The following TBL1XR1 variants were observed in gnomAD, a reference collection of about 807,000 sequenced individuals.
The protein encoded by TBL1XR1 is TBL1X/Y related 1.
In TBL1XR1, 5 loss-of-function variants were observed where a neutral mutation model predicts 66.9. The ratio of observed to expected loss-of-function variants is 0.07; its 90% CI spans 0.04 to 0.16. The LOEUF is 0.16. Among genes scored for constraint, TBL1XR1 ranks in the 10% least tolerant of loss-of-function variants. The probability of loss-of-function intolerance (pLI) is 1.00; values close to 1 mark genes in which losing one functional copy is unlikely to be tolerated. For synonymous variants in TBL1XR1, 210 were observed against 206.0 expected, an observed-to-expected ratio of 1.02 and a Z score of -0.17; for missense variants, 238 against 623.2, an observed-to-expected ratio of 0.38 and a Z score of 6.58.
At chr3:177,101,958 A>C (rs1162728247) in intron 1 of TBL1XR1, among the ~76,000 whole-genome samples, 1 of 151,108 alleles carries the variant, frequency 6.6e-6, no homozygotes, top group African/African-American at 2.5e-5. Context: ...TAACCATTAG[A>C]ATTTTTTTTT....
chr3:177,201,124 C>T (rs1737331577), upstream of TBL1XR1, among the ~76,000 whole-genome samples: 1 of 151,800 alleles, frequency 6.6e-6, no homozygotes, highest in Admixed American at 6.6e-5. Flanking sequence ...CAAATCCTGA[C>T]TTGTTTTGCC....
At chr3:177,033,701 T>C (rs1223185455) in intron 13 of TBL1XR1, among the ~76,000 whole-genome samples, 1 of 152,074 alleles carries the variant, frequency 6.6e-6, no homozygotes, top group African/African-American at 2.4e-5. Flanking sequence ...AGCTAACAAG[T>C]GGATAAAGAA....
At chr3:177,042,858 G>C (rs1266164968) in intron 10 of TBL1XR1, among the ~76,000 whole-genome samples, 1 of 151,884 alleles carries the variant, frequency 6.6e-6, no homozygotes, top group African/African-American at 2.4e-5. Flanking sequence ...AATTTTAAAA[G>C]AGAAGGAATG....
intron 1 of TBL1XR1, 97 bp from the exon 2 acceptor site, chr3:177,098,638 A>C: frequency 3.4e-6 from 2 of 594,320 alleles, no homozygotes; most frequent in Non-Finnish European, 4.2e-6. Context: ...AATATTCTTT[A>C]AGGTCCCCAC....
chr3:177,188,023 C>T (rs111265316), intron 1 of TBL1XR1, among the ~76,000 whole-genome samples: 95 of 143,944 alleles, frequency 6.6e-4, no homozygotes, highest in African/African-American at 2.4e-3. Context: ...GATCTCAGCT[C>T]ATGGCAACCT....
chr3:177,083,163 A>G (rs1007345654), intron 2 of TBL1XR1, among the ~76,000 whole-genome samples: 14 of 152,172 alleles, frequency 9.2e-5, no homozygotes, highest in African/African-American at 3.1e-4. Flanking sequence ...CTATTGGTCA[A>G]TTAAGAGAGT....
Position 177,156,394 on chromosome 3 carries a change from G to A in TBL1XR1, c.-122+40727C>T, listed in dbSNP as rs576940102. Among the ~76,000 whole-genome samples the A allele has an allele frequency of 2.6e-4, 39 of 151,672 alleles. 1 individual carries two copies. In the East Asian group the frequency reaches 7.2e-3, roughly 28 times the overall value. On this transcript the variant is annotated intron_variant, in intron 1 of 15. Coordinates refer to ENST00000457928, the MANE Select transcript of TBL1XR1 (RefSeq NM_024665.7). ...GGCGCCTGTAATCCCAGCTACTCGGGAGGCTGAGGCAGGAGAATCCCTTGA... is the reference window on the plus strand; with the variant it reads ...GGCGCCTGTAATCCCAGCTACTCGGAAGGCTGAGGCAGGAGAATCCCTTGA...
intron 3 of TBL1XR1, among the ~76,000 whole-genome samples, chr3:177,061,726 TAA>T (rs1718535680): frequency 1.3e-5 from 2 of 152,234 alleles, no homozygotes; most frequent in Non-Finnish European, 2.9e-5. Context: ...AGTTATAACC[TAA>T]GAGTAATTTA....
chr3:177,189,402 C>T (rs1009355003), intron 1 of TBL1XR1, among the ~76,000 whole-genome samples: 12 of 151,860 alleles, frequency 7.9e-5, no homozygotes, highest in African/African-American at 2.9e-4. Context: ...CTGTTAGTCC[C>T]AGCAATTTGG....
chr3:177,102,791 C>T (rs1037540617), intron 1 of TBL1XR1, among the ~76,000 whole-genome samples: 1 of 152,126 alleles, frequency 6.6e-6, no homozygotes, highest in Admixed American at 6.5e-5. Flanking sequence ...CCTATCCCTC[C>T]TCCAAAGATC....
chr3:177,067,169 C>CT (rs1243018575), intron 2 of TBL1XR1, among the ~76,000 whole-genome samples: 4 of 152,148 alleles, frequency 2.6e-5, no homozygotes, highest in Non-Finnish European at 5.9e-5. Flanking sequence ...AATTGAATGA[C>CT]TTTAAAAACA....
At chr3:177,109,293 T>TGAACTCTCTCCATTA (rs1412487059) in intron 1 of TBL1XR1, among the ~76,000 whole-genome samples, 3 of 152,186 alleles carry the variant, frequency 2.0e-5, no homozygotes, top group African/African-American at 7.2e-5. Context: ...GCACACTAAA[T>TGAACTCTCTCCATTA]GAACTCTCTC....
chr3:177,093,239 A>G (rs1366676433), intron 2 of TBL1XR1, among the ~76,000 whole-genome samples: 3 of 152,190 alleles, frequency 2.0e-5, no homozygotes, highest in African/African-American at 4.8e-5. Flanking sequence ...CAAAAATAAA[A>G]TAAAATACTT....
chr3:177,182,622 G>C (rs1429554021), intron 1 of TBL1XR1, among the ~76,000 whole-genome samples: 2 of 152,154 alleles, frequency 1.3e-5, no homozygotes, highest in Non-Finnish European at 2.9e-5. Flanking sequence ...AGATGGGTGA[G>C]AGAGACCTGT....
intron 2 of TBL1XR1, among the ~76,000 whole-genome samples, chr3:177,097,981 C>T (rs6802159): frequency 7.4e-4 from 113 of 152,194 alleles, no homozygotes; most frequent in African/African-American, 2.6e-3. Flanking sequence ...CTCAGGTGGG[C>T]GGATCACCTG....
At position 177,033,112 on chromosome 3, in the gene TBL1XR1, C is replaced by A; in HGVS notation, c.1275G>T (p.Arg425Ser). ...LASASFDSTV[R>S]LWDVDRGICI... ...ATATCCCTCGGTCTACATCCCATAACCTAACAGTAGAATCAAAGGATGCAC... is the reference window on the plus strand; with the variant it reads ...ATATCCCTCGGTCTACATCCCATAAACTAACAGTAGAATCAAAGGATGCAC... The change falls in exon 14 of 16, where the codon AGG (arginine) becomes AGT (serine). Residue 425 changes from arginine to serine, a missense_variant. Arg to Ser is a moderately radical substitution (Grantham distance 110). Coordinates refer to ENST00000457928, the MANE Select transcript of TBL1XR1 (RefSeq NM_024665.7). 1 of 1,565,574 alleles carries A rather than the reference C, an allele frequency of 6.4e-7. No homozygotes were observed. Among genetic ancestry groups the A allele is most frequent in the South Asian group, 1.2e-5 (1 of 83,420 alleles).
intron 2 of TBL1XR1, among the ~76,000 whole-genome samples, chr3:177,079,064 C>T (rs1258480341): frequency 1.3e-5 from 2 of 152,158 alleles, no homozygotes; most frequent in African/African-American, 2.4e-5. Flanking sequence ...TCCATGCATT[C>T]GTAGCATAGG....
At chr3:177,030,292 ATAT>A (rs1372843159) in intron 14 of TBL1XR1, among the ~76,000 whole-genome samples, 14 of 151,624 alleles carry the variant, frequency 9.2e-5, no homozygotes, top group Non-Finnish European at 1.5e-4. Context: ...TATTATGAAT[ATAT>A]TATTAATGAA....
intron 12 of TBL1XR1, among the ~76,000 whole-genome samples, chr3:177,037,139 A>G (rs1340983351): frequency 6.6e-6 from 1 of 152,234 alleles, no homozygotes; most frequent in Admixed American, 6.5e-5. Context: ...GTTTCCCAGC[A>G]ATGGTGATAC....
Sources: gnomAD v4.1 joint callset for allele counts (sites outside exome capture counted in the v4.1 genomes callset) on GRCh38, gnomAD v4.1.1 for gene constraint, MANE v1.5 for transcripts, NCBI Gene and HGNC (gene_info 2026-07-23, HGNC 2026-07-21) for gene names.